Variants in ADAMTSL1 observed in about 807,000 individuals in gnomAD.
The protein encoded by ADAMTSL1 is ADAMTS like 1.
In ADAMTSL1, 126 loss-of-function variants were observed where a neutral mutation model predicts 201.8. The observed-to-expected ratio is 0.62, with a 90% CI of 0.54 to 0.72. ADAMTSL1 has a LOEUF of 0.72. Among genes scored for constraint, ADAMTSL1 ranks in the 30% least tolerant of loss-of-function variants. The probability of loss-of-function intolerance (pLI) is 0.00; values close to 1 mark genes in which losing one functional copy is unlikely to be tolerated. For synonymous variants in ADAMTSL1, 1,121 were observed against 903.4 expected (o/e 1.24, Z -4.32); for missense variants, 2,679 against 2,277.8 (o/e 1.18, Z -3.59).
At chr9:18,421,988 A>G (rs945258880) in intron 2 of ADAMTSL1, among the ~76,000 whole-genome samples, 9 of 152,196 alleles carry the variant, frequency 5.9e-5, no homozygotes, top group African/African-American at 1.9e-4. Flanking sequence ...TAATTAGCTG[A>G]ATGCTGCTGG....
At chr9:18,203,985 A>C (rs1325757988) in intron 2 of ADAMTSL1, among the ~76,000 whole-genome samples, 1 of 152,174 alleles carries the variant, frequency 6.6e-6, no homozygotes, top group African/African-American at 2.4e-5. Context: ...GAGAAGAAAG[A>C]AGCAGTGAAA....
chr9:18,427,217 C>T (rs1819263585), intron 2 of ADAMTSL1, among the ~76,000 whole-genome samples: 1 of 152,184 alleles, frequency 6.6e-6, no homozygotes, highest in African/African-American at 2.4e-5. Flanking sequence ...TAGGAATGAA[C>T]TCAGGAATTA....
intron 5 of ADAMTSL1, 100 bp downstream of exon 5, chr9:18,622,469 A>G (rs765484670): frequency 6.5e-7 from 1 of 1,537,688 alleles, no homozygotes; most frequent in Admixed American, 1.8e-5. Flanking sequence ...CACCTCCACC[A>G]AAACGATAAT....
In ADAMTSL1 at chr9:18,260,176, C is replaced by A. The variant is rs571462423; in HGVS notation, c.207+96195C>A. On this transcript the variant is annotated intron_variant, in intron 2 of 29. Transcript: ENST00000680146. Reference sequence around the variant, plus strand: ...AGCAATGTTGGCATTGCGTAGATACCACCATGGATGGTAAAAATGGGGACT... The same window carrying A: ...AGCAATGTTGGCATTGCGTAGATACAACCATGGATGGTAAAAATGGGGACT... Among the ~76,000 whole-genome samples the A allele has an allele frequency of 7.9e-5, 12 of 152,280 alleles. No homozygotes were observed. The East Asian group carries it at 1.7e-3, about 22-fold the overall frequency.
At chr9:18,639,818 C>G (rs529132946) in intron 7 of ADAMTSL1, among the ~76,000 whole-genome samples, 2 of 152,190 alleles carry the variant, frequency 1.3e-5, no homozygotes, top group African/African-American at 4.8e-5. Context: ...CTTCCAATGG[C>G]AAGCTCTGTT....
At chr9:18,561,226 G>A (rs1821475522) in intron 3 of ADAMTSL1, among the ~76,000 whole-genome samples, 1 of 152,112 alleles carries the variant, frequency 6.6e-6, no homozygotes, top group Non-Finnish European at 1.5e-5. Flanking sequence ...ATTTTGGTAT[G>A]TTGTCTCTTT....
chr9:18,652,032 G>A (rs957570477), intron 7 of ADAMTSL1, among the ~76,000 whole-genome samples: 1 of 152,008 alleles, frequency 6.6e-6, no homozygotes, highest in Non-Finnish European at 1.5e-5. Flanking sequence ...AGACTAGATA[G>A]ACAGTTTTGA....
chr9:18,478,553 A>C (rs1808101904), intron 1 of ADAMTSL1, among the ~76,000 whole-genome samples: 1 of 152,142 alleles, frequency 6.6e-6, no homozygotes, highest in Non-Finnish European at 1.5e-5. Flanking sequence ...TTCTTTGGTC[A>C]AGTGACAGCT....
rs116649438 is a variant in ADAMTSL1 at position 18,059,247 on chromosome 9, C to T, written c.88-104615C>T. Among the ~76,000 whole-genome samples, 508 of 152,270 alleles carry T rather than the reference C, an allele frequency of 3.3e-3. 4 individuals are homozygous for T. Among genetic ancestry groups the T allele is most frequent in the African/African-American group, 0.012 (481 of 41,566 alleles). ...TCACTATCGGACTGTTAACTCCTTG[C>T]AAAGGTAGGTTTCATGTCACCTTTG... On this transcript the variant is annotated intron_variant, in intron 1 of 29. Transcript: ENST00000680146.
intron 1 of ADAMTSL1, among the ~76,000 whole-genome samples, chr9:18,088,619 T>C (rs1169780567): frequency 3.3e-5 from 5 of 152,188 alleles, no homozygotes; most frequent in African/African-American, 1.2e-4. Context: ...AACAGGTATA[T>C]GAAAAGCTGC....
intron 3 of ADAMTSL1, among the ~76,000 whole-genome samples, chr9:18,533,836 C>T (rs1330876606): frequency 2.0e-5 from 3 of 152,032 alleles, no homozygotes; most frequent in Non-Finnish European, 4.4e-5. Context: ...ATCACAAATG[C>T]CATAGGAAAT....
chr9:18,021,198 A>T (rs1820467839), intron 1 of ADAMTSL1, among the ~76,000 whole-genome samples: 1 of 152,186 alleles, frequency 6.6e-6, no homozygotes, highest in South Asian at 2.1e-4. Flanking sequence ...TAACTTGGTC[A>T]CAAGTTTCTG....
intron 2 of ADAMTSL1, among the ~76,000 whole-genome samples, chr9:18,282,197 G>A (rs1392113933): frequency 6.6e-6 from 1 of 152,080 alleles, no homozygotes; most frequent in East Asian, 1.9e-4. Context: ...AGTTCACTTG[G>A]TATAATGGCT....
At chr9:18,407,235 G>A (rs1460625885) in intron 2 of ADAMTSL1, among the ~76,000 whole-genome samples, 1 of 152,190 alleles carries the variant, frequency 6.6e-6, no homozygotes, top group Non-Finnish European at 1.5e-5. Flanking sequence ...ACAGACATTT[G>A]AGCTAAATTG....
chr9:18,604,140 G>A (rs1824854110), intron 4 of ADAMTSL1, among the ~76,000 whole-genome samples: 1 of 152,164 alleles, frequency 6.6e-6, no homozygotes, highest in Admixed American at 6.5e-5. Flanking sequence ...TTCCTAAATA[G>A]GTAAGTGCAA....
intron 1 of ADAMTSL1, among the ~76,000 whole-genome samples, chr9:18,035,378 A>G (rs560451864): frequency 4.4e-4 from 67 of 152,260 alleles, no homozygotes; most frequent in African/African-American, 1.5e-3. Flanking sequence ...CCAAAGGAGG[A>G]GCAAAAAGTC....
At chr9:18,086,243 A>G (rs909666781) in intron 1 of ADAMTSL1, among the ~76,000 whole-genome samples, 1 of 152,196 alleles carries the variant, frequency 6.6e-6, no homozygotes, top group African/African-American at 2.4e-5. Context: ...TCCAGACTGA[A>G]GGAAGGACAG....
At chr9:18,780,074 C>G (rs960130082) in intron 19 of ADAMTSL1, among the ~76,000 whole-genome samples, 4 of 152,192 alleles carry the variant, frequency 2.6e-5, no homozygotes, top group African/African-American at 9.7e-5. Context: ...GAACATTGAG[C>G]CCCTGGATTA....
chr9:17,916,217 C>A (rs114658758), intron 1 of ADAMTSL1, among the ~76,000 whole-genome samples: 1 of 152,184 alleles, frequency 6.6e-6, no homozygotes, highest in African/African-American at 2.4e-5. Flanking sequence ...CACCACCCAG[C>A]CACTATGAAT....
Sources: allele counts gnomAD v4.1 joint callset (sites outside exome capture counted in the v4.1 genomes callset), GRCh38; gene constraint gnomAD v4.1.1; transcripts MANE v1.5; gene names NCBI Gene and HGNC (gene_info 2026-07-23, HGNC 2026-07-21).